The following COL23A1 variants were observed in gnomAD, a reference collection of about 807,000 sequenced individuals.
COL23A1 encodes the protein collagen type XXIII alpha 1 chain.
COL23A1 carries 97 observed loss-of-function variants against 99.3 expected under a neutral mutation model. The ratio of observed to expected loss-of-function variants is 0.98; its 90% confidence interval spans 0.83 to 1.16. The LOEUF (loss-of-function observed/expected upper bound fraction) is 1.16, where lower values mean the gene tolerates loss of function less well. Among genes scored for constraint, COL23A1 ranks in the 50% most tolerant of loss-of-function variants. The pLI, the probability that COL23A1 is intolerant of heterozygous loss-of-function variation, is 0.00. For synonymous variants in COL23A1, 320 were observed against 308.2 expected (o/e 1.04, Z -0.40); for missense variants, 762 against 757.4 (o/e 1.01, Z -0.07).
At chr5:178,295,155 G>A (rs1019201690) in intron 3 of COL23A1, among the ~76,000 whole-genome samples, 59 of 152,116 alleles carry the variant, frequency 3.9e-4, no homozygotes, top group African/African-American at 1.2e-3. Flanking sequence ...ACTGCACCCC[G>A]GCCTCGGTGA....
chr5:178,397,069 C>T (rs1199442559), intron 2 of COL23A1, among the ~76,000 whole-genome samples: 3 of 152,336 alleles, frequency 2.0e-5, no homozygotes, highest in South Asian at 4.1e-4. Flanking sequence ...TTCTGGGACT[C>T]GGCTTGCTCC....
intron 1 of COL23A1, among the ~76,000 whole-genome samples, chr5:178,583,982 G>A (rs1160047817): frequency 6.6e-6 from 1 of 152,162 alleles, no homozygotes; most frequent in Non-Finnish European, 1.5e-5. Context: ...TCACACCTCA[G>A]TGTCTCGAGG....
intron 2 of COL23A1, among the ~76,000 whole-genome samples, chr5:178,474,565 C>T (rs1033440088): frequency 3.9e-5 from 6 of 152,106 alleles, no homozygotes; most frequent in Admixed American, 2.0e-4. Context: ...GTGAATTTGT[C>T]GTATTTCTTT....
intron 2 of COL23A1, among the ~76,000 whole-genome samples, chr5:178,349,568 G>A (rs1392290719): frequency 1.8e-5 from 2 of 113,672 alleles, no homozygotes; most frequent in Non-Finnish European, 3.6e-5. Flanking sequence ...CTGGCCTCCC[G>A]TGCCTCCCGC....
At position 178,560,676 on chromosome 5, in the gene COL23A1, A is replaced by G; in HGVS notation, c.361+6T>C. 5 of 1,611,678 alleles carry G rather than the reference A, an allele frequency of 3.1e-6. No homozygotes were observed. Among genetic ancestry groups the G allele is most frequent in the Non-Finnish European group, 4.2e-6 (5 of 1,179,322 alleles). ...GGAGCCAGAAGGGAGCTCAACCTTCACTTACCTGGGGGGCAGACACATTCG... is the reference window on the plus strand; with the variant it reads ...GGAGCCAGAAGGGAGCTCAACCTTCGCTTACCTGGGGGGCAGACACATTCG... On this transcript the variant is annotated splice_donor_region_variant and intron_variant, in intron 2 of 28. Transcript: ENST00000390654.
At chr5:178,314,374 C>T (rs182971174) in intron 2 of COL23A1, among the ~76,000 whole-genome samples, 517 of 152,242 alleles carry the variant, frequency 3.4e-3, no homozygotes, top group African/African-American at 0.012. Context: ...CCATAGTCTT[C>T]GTCTTCGTCA....
intron 2 of COL23A1, among the ~76,000 whole-genome samples, chr5:178,502,086 T>A (rs546862890): frequency 3.1e-4 from 47 of 152,360 alleles, no homozygotes; most frequent in African/African-American, 1.1e-3. Context: ...CCATGATCAA[T>A]GATCTGTACT....
In COL23A1 at chr5:178,238,581, G is replaced by A; in HGVS notation, c.*117C>T. 1 of 1,402,756 alleles carries A rather than the reference G, an allele frequency of 7.1e-7. No individual in the cohort carries two copies. Among genetic ancestry groups the A allele is most frequent in the Non-Finnish European group, 1.0e-6 (1 of 998,070 alleles). 86.9% of individuals were successfully genotyped at this position (1,402,756 alleles called of 1,614,324 possible). The stretch of plus-strand genomic sequence containing the variant: ...GGGCTGGGTGGGCATACTCTTGAAT[G>A]TTAAAAGGCCACAGGTAGCGCATTC... On this transcript the variant is annotated 3_prime_UTR_variant, in exon 29 of 29. Coordinates refer to ENST00000390654, the MANE Select transcript of COL23A1 (RefSeq NM_173465.4).
intron 1 of COL23A1, among the ~76,000 whole-genome samples, chr5:178,588,263 G>A (rs948456105): frequency 1.3e-5 from 2 of 152,168 alleles, no homozygotes; most frequent in African/African-American, 4.8e-5. Context: ...TGAAGTTCAG[G>A]ACTCAAAAAT....
intron 2 of COL23A1, among the ~76,000 whole-genome samples, chr5:178,436,712 A>C (rs1766583129): frequency 6.6e-6 from 1 of 152,162 alleles, no homozygotes; most frequent in Non-Finnish European, 1.5e-5. Flanking sequence ...AACTCTGCTC[A>C]TTCCTCATTA....
At chr5:178,290,084 A>G (rs1012165835) in intron 4 of COL23A1, among the ~76,000 whole-genome samples, 4 of 151,976 alleles carry the variant, frequency 2.6e-5, no homozygotes, top group Admixed American at 2.6e-4. Flanking sequence ...GGCACCCGCC[A>G]CCACGCCTGG....
chr5:178,406,970 A>G (rs1207308121), intron 2 of COL23A1, among the ~76,000 whole-genome samples: 3 of 152,246 alleles, frequency 2.0e-5, no homozygotes, highest in African/African-American at 7.2e-5. Flanking sequence ...ATACATATGA[A>G]GAAGACCCTG....
chr5:178,443,753 C>T (rs941252103), intron 2 of COL23A1, among the ~76,000 whole-genome samples: 10 of 152,026 alleles, frequency 6.6e-5, no homozygotes, highest in East Asian at 1.9e-4. Flanking sequence ...CCACCGAGCC[C>T]GGCCTTATTT....
chr5:178,495,786 C>T (rs1409083127), intron 2 of COL23A1, among the ~76,000 whole-genome samples: 2 of 152,102 alleles, frequency 1.3e-5, no homozygotes, highest in African/African-American at 4.8e-5. Flanking sequence ...GGGAAGGAAT[C>T]CCCATAGCAT....
At position 178,249,076 on chromosome 5, in the gene COL23A1, C is replaced by T. The variant is rs770740459; in HGVS notation, c.1149+41G>A. 5 of 1,598,006 alleles carry T rather than the reference C, an allele frequency of 3.1e-6. No individual in the cohort carries two copies. In the South Asian group the frequency reaches 4.4e-5, roughly 14 times the overall value. On this transcript the variant is annotated intron_variant, in intron 19 of 28. Coordinates refer to ENST00000390654, the MANE Select transcript of COL23A1 (RefSeq NM_173465.4). ...GGGCACACAGTCACCTCAGGGCTTC[C>T]ACACAGGAGGCGTAATGTGTGGCCC... is the stretch of plus-strand genomic sequence containing the variant.
intron 2 of COL23A1, among the ~76,000 whole-genome samples, chr5:178,514,229 T>C (rs1044120581): frequency 6.6e-6 from 1 of 152,242 alleles, no homozygotes; most frequent in Non-Finnish European, 1.5e-5. Flanking sequence ...TGCTGGAACA[T>C]GTGTCAGAAT....
At chr5:178,538,489 C>T (rs1044530542) in intron 2 of COL23A1, among the ~76,000 whole-genome samples, 1 of 152,204 alleles carries the variant, frequency 6.6e-6, no homozygotes, top group Admixed American at 6.5e-5. Context: ...AAAGTTTCCA[C>T]ACATTCTCCA....
intron 5 of COL23A1, among the ~76,000 whole-genome samples, chr5:178,274,369 G>A (rs1340996009): frequency 6.6e-6 from 1 of 152,244 alleles, no homozygotes; most frequent in Non-Finnish European, 1.5e-5. Flanking sequence ...GGAAGGGCCT[G>A]GGGCTGGTCT....
intron 2 of COL23A1, among the ~76,000 whole-genome samples, chr5:178,399,437 C>G (rs991329825): frequency 2.6e-5 from 4 of 152,224 alleles, no homozygotes; most frequent in Non-Finnish European, 1.5e-5. Flanking sequence ...ATTTTGGGAG[C>G]CAGCACCTTC....
Sources: allele counts gnomAD v4.1 joint callset (sites outside exome capture counted in the v4.1 genomes callset), GRCh38; gene constraint gnomAD v4.1.1; transcripts MANE v1.5; gene names NCBI Gene and HGNC (gene_info 2026-07-23, HGNC 2026-07-21).